UBL7: variants seen among roughly 807,000 people sequenced by gnomAD.
The protein encoded by UBL7 is ubiquitin like 7.
UBL7 carries 21 observed loss-of-function variants against 41.7 expected under a neutral mutation model. That is an observed-to-expected ratio of 0.50 (90% CI 0.36 to 0.73). The LOEUF is 0.73. Ranked by LOEUF, UBL7 falls within the 30% of genes least tolerant of loss-of-function variation. UBL7 has a pLI of 0.00. For missense variants in UBL7, 403 were observed against 478.4 expected (o/e 0.84, Z 1.47); for synonymous variants, 157 against 186.9 (o/e 0.84, Z 1.31).
chr15:74,460,167 G>A (rs1206794726), intron 1 of UBL7, among the ~76,000 whole-genome samples: 2 of 151,916 alleles, frequency 1.3e-5, no homozygotes, highest in Non-Finnish European at 1.5e-5. Flanking sequence ...GCTTGAACCC[G>A]GGAGGTGGAG....
chr15:74,451,955 C>T (rs2061250373), intron 4 of UBL7, among the ~76,000 whole-genome samples: 1 of 152,194 alleles, frequency 6.6e-6, no homozygotes, highest in South Asian at 2.1e-4. Context: ...AAGACATCAG[C>T]CCACTTCCCC....
At chr15:74,455,087 CTG>C (rs1364891158) in intron 3 of UBL7, among the ~76,000 whole-genome samples, 1 of 152,226 alleles carries the variant, frequency 6.6e-6, no homozygotes, top group East Asian at 1.9e-4. Context: ...CAGGGCCTGG[CTG>C]TGAGTGCCAG....
chr15:74,450,028 A>G lies in UBL7; in HGVS notation c.572T>C (p.Leu191Pro). ...AHPALVNAIV[L>P]VLHSVAGSAP... ...ACTGCCTGCTACGGAGTGCAGAACC[A>G]GGACAATGGCATTGACGAGGGCTGG... The change falls in exon 7 of 11, where the codon CTG (leucine) becomes CCG (proline). Residue 191 changes from leucine to proline, a missense_variant. Physicochemically the swap from Leu to Pro is moderately conservative, Grantham distance 98. Coordinates refer to ENST00000395081, the MANE Select transcript of UBL7 (RefSeq NM_032907.5). 6.2e-7 allele frequency: 1 copy of G among 1,613,848 alleles called. No homozygotes were observed.
At position 74,452,295 on chromosome 15, in the gene UBL7, C is replaced by G. The variant is rs1480183738; in HGVS notation, c.387+1G>C. On this transcript the variant is annotated splice_donor_variant, in intron 4 of 10. Transcript: ENST00000395081. LOFTEE classifies it high-confidence loss of function. ...GGCTGGGGGCCGCAGCACACACTCACCGCCTCCCTGTAAGAGGAGCTGCTG... is the reference window on the plus strand; with the variant it reads ...GGCTGGGGGCCGCAGCACACACTCAGCGCCTCCCTGTAAGAGGAGCTGCTG... 1 of 1,555,176 alleles carries G rather than the reference C, an allele frequency of 6.4e-7. No homozygotes were observed. Among genetic ancestry groups the G allele is most frequent in the Non-Finnish European group, 8.7e-7 (1 of 1,148,502 alleles).
At chr15:74,459,009 T>A (rs1032000732) in intron 1 of UBL7, 113 bp from the exon 2 acceptor site, 2 of 1,002,572 alleles carry the variant, frequency 2.0e-6, no homozygotes, top group Middle Eastern at 3.1e-4. Flanking sequence ...TGAAGAGGCA[T>A]AGGGCGTACC....
At chr15:74,453,574 T>A (rs1488540149) in intron 3 of UBL7, among the ~76,000 whole-genome samples, 1 of 152,116 alleles carries the variant, frequency 6.6e-6, no homozygotes, top group Non-Finnish European at 1.5e-5. Context: ...TGCAAAGGCA[T>A]GGGAGAATAA....
At chr15:74,449,752 C>T in intron 7 of UBL7, 77 bp from the exon 8 acceptor site, 1 of 1,592,322 alleles carries the variant, frequency 6.3e-7, no homozygotes, top group Non-Finnish European at 8.6e-7. Flanking sequence ...GCTCAAGTTA[C>T]TCTCCAAATT....
rs367786844 is a variant in UBL7, at chr15:74,446,524, C to CT, written c.1006-298dup. ...AGGCTAAATTACTTTCTTTCTCTTG[C>CT]TATGTGTACACACACAACAGCAAGA... On this transcript the variant is annotated intron_variant, in intron 10 of 10. Coordinates refer to ENST00000395081, the MANE Select transcript of UBL7 (RefSeq NM_032907.5). The surrounding 1 kb of genome is among the most constrained non-coding windows in gnomAD (Gnocchi z 4.1). Among the ~76,000 whole-genome samples, 1 of 152,358 alleles carries CT rather than the reference C, an allele frequency of 6.6e-6. No individual in the cohort carries two copies. Among genetic ancestry groups the CT allele is most frequent in the East Asian group, 1.9e-4 (1 of 5,194 alleles).
Position 74,446,759 on chromosome 15 carries a change from C to A in UBL7, c.1006-532G>T, listed in dbSNP as rs2061187613. Among the ~76,000 whole-genome samples the A allele has an allele frequency of 6.6e-6, 1 of 152,156 alleles. No homozygotes were observed. The highest frequency in any genetic ancestry group is 2.4e-5 in the African/African-American group (1 of 41,438). On this transcript the variant is annotated intron_variant, in intron 10 of 10. Coordinates refer to ENST00000395081, the MANE Select transcript of UBL7 (RefSeq NM_032907.5). This position sits in a 1 kb window ranked among gnomAD's most constrained non-coding sequence, Gnocchi z 4.1. ...TTTTCGCTTTTACAAACCCAAAATG[C>A]ATAACTTTTATTTAATGGCTCCTGG...
At chr15:74,449,702 A>G (rs1406270059) in intron 7 of UBL7, 27 bp from the exon 8 acceptor site, 1 of 1,613,954 alleles carries the variant, frequency 6.2e-7, no homozygotes, top group Non-Finnish European at 8.5e-7. Context: ...AGATTTCAGG[A>G]GGAAGAACAG....
At chr15:74,457,622 A>G (rs1396484267) in intron 2 of UBL7, among the ~76,000 whole-genome samples, 2 of 150,122 alleles carry the variant, frequency 1.3e-5, no homozygotes, top group Non-Finnish European at 3.0e-5. Context: ...CTGTAATCCC[A>G]GTTATTCAGG....
At chr15:74,452,412 C>G in intron 3 of UBL7, 34 bp from the exon 4 acceptor site, 1 of 1,548,114 alleles carries the variant, frequency 6.5e-7, no homozygotes. Flanking sequence ...TACCCTATAG[C>G]GCAGGTCCTG....
chr15:74,446,084 G>A lies in UBL7; in HGVS notation c.*6C>T, dbSNP rs2061180542. The A allele has an allele frequency of 6.2e-7, 1 of 1,613,534 alleles. No homozygotes were observed. The highest frequency in any genetic ancestry group is 1.7e-5 in the Admixed American group (1 of 59,992). ...ACTTGCTGGGGGTTCAGGGGAAGCA[G>A]GGAGTTCATGGGGCTCCTCCAGCAA... On this transcript the variant is annotated 3_prime_UTR_variant, in exon 11 of 11. Transcript: ENST00000395081. This position sits in a 1 kb window ranked among gnomAD's most constrained non-coding sequence, Gnocchi z 4.1.
chr15:74,454,896 T>G (rs2061280877), intron 3 of UBL7, among the ~76,000 whole-genome samples: 1 of 152,214 alleles, frequency 6.6e-6, no homozygotes, highest in South Asian at 2.1e-4. Flanking sequence ...CAGCTGTTAC[T>G]CTCATCAGCC....
chr15:74,456,541 C>G lies in UBL7; in HGVS notation c.304+11G>C. The stretch of plus-strand genomic sequence containing the variant: ...GAAACTCTGCCTGCCTAAGGGCTGC[C>G]CCTCACTCACCCGGTTTCTGATCAG... On this transcript the variant is annotated intron_variant, in intron 3 of 10. Coordinates refer to ENST00000395081, the MANE Select transcript of UBL7 (RefSeq NM_032907.5). The G allele has an allele frequency of 6.2e-7, 1 of 1,613,648 alleles. No homozygotes were observed. Among genetic ancestry groups the G allele is most frequent in the African/African-American group, 1.3e-5 (1 of 75,020 alleles).
Position 74,458,683 on chromosome 15 carries a change from C to T in UBL7, c.184+1G>A. 6.2e-7 allele frequency: 1 copy of T among 1,610,418 alleles called. No individual in the cohort carries two copies. The highest frequency in any genetic ancestry group is 8.5e-7 in the Non-Finnish European group (1 of 1,177,004). On this transcript the variant is annotated splice_donor_variant, in intron 2 of 10. Coordinates refer to ENST00000395081, the MANE Select transcript of UBL7 (RefSeq NM_032907.5). LOFTEE classifies it high-confidence loss of function. The stretch of plus-strand genomic sequence containing the variant: ...CCCAACCCCAGTCCAGAGAGACTCA[C>T]CAATCAGCTCAGGGTCTGGAACAGA...
chr15:74,455,192 G>C (rs1315029861), intron 3 of UBL7, among the ~76,000 whole-genome samples: 1 of 152,188 alleles, frequency 6.6e-6, no homozygotes, highest in Admixed American at 6.5e-5. Context: ...AGAACTGAAA[G>C]GGGGGTAAAT....
intron 7 of UBL7, 78 bp from the exon 8 acceptor site, chr15:74,449,753 T>G: frequency 6.9e-6 from 11 of 1,589,410 alleles, no homozygotes; most frequent in Middle Eastern, 1.7e-4. Flanking sequence ...CTCAAGTTAC[T>G]CTCCAAATTC....
rs1426107947 is a variant in UBL7, at chr15:74,447,483, G to A, written c.1005+995C>T. On this transcript the variant is annotated intron_variant, in intron 10 of 10. Coordinates refer to ENST00000395081, the MANE Select transcript of UBL7 (RefSeq NM_032907.5). ...TCTGGGAGGCTAAGGTGGGTGAATC[G>A]CTTGAGCCCAAGAGTTCAAGACCAG... Among the ~76,000 whole-genome samples, 5 of 152,078 alleles carry A rather than the reference G, an allele frequency of 3.3e-5. No homozygotes were observed. The East Asian group carries it at 5.8e-4, about 18-fold the overall frequency.
Sources: gnomAD v4.1 joint callset for allele counts (sites outside exome capture counted in the v4.1 genomes callset) on GRCh38, gnomAD v4.1.1 for gene constraint, Gnocchi (gnomAD v3.1) non-coding constraint, MANE v1.5 for transcripts, NCBI Gene and HGNC (gene_info 2026-07-23, HGNC 2026-07-21) for gene names.